The following PLXNB1 variants were observed in gnomAD, a reference collection of about 807,000 sequenced individuals.
PLXNB1 encodes the protein plexin-B1.
PLXNB1 carries 106 observed loss-of-function variants against 209.4 expected under a neutral mutation model. The ratio of observed to expected loss-of-function variants is 0.51; its 90% CI spans 0.43 to 0.59. PLXNB1 has a LOEUF of 0.59. PLXNB1 is among the 20% of genes least tolerant of loss of function. The pLI is 0.00. For synonymous variants in PLXNB1, 1,167 were observed against 1,183.2 expected, an observed-to-expected ratio of 0.99 and a Z score of 0.28; for missense variants, 2,357 against 2,853.2, an observed-to-expected ratio of 0.83 and a Z score of 3.96.
rs375170570 is a variant in PLXNB1, at chr3:48,424,492, C to A, written c.120G>T (p.Arg40Ser). ...GGTAGAGGGTGCCTGAGGTGGGGTC[C>A]CTTGCCAGGTGCTGCAGATACGTGC... Reference protein sequence around the residue: ...PNGTYLQHLARDPTSGTLYLG... With the variant: ...PNGTYLQHLASDPTSGTLYLG... The change falls in exon 3 of 38, where the codon AGG becomes AGT. Residue 40 changes from arginine (R) to serine (S), a missense_variant. Physicochemically the swap from Arg to Ser is moderately radical, Grantham distance 110. Around this residue, in one of 7 missense-constraint regions of PLXNB1, gnomAD observed 107 missense variants for 167.2 expected, o/e 0.64. Coordinates refer to ENST00000296440, the MANE Select transcript of PLXNB1 (RefSeq NM_001130082.3). 7.5e-6 allele frequency: 12 copies of A among 1,603,260 alleles called. No individual in the cohort carries two copies. The highest frequency in any genetic ancestry group is 1.0e-5 in the Non-Finnish European group (12 of 1,175,032).
intron 1 of PLXNB1, among the ~76,000 whole-genome samples, chr3:48,428,262 A>T (rs2038997664): frequency 6.6e-6 from 1 of 152,168 alleles, no homozygotes; most frequent in African/African-American, 2.4e-5. Flanking sequence ...CAGACTGAAA[A>T]GGCTGATCTA....
At position 48,429,714 on chromosome 3, in the gene PLXNB1, A is replaced by T. The variant is rs2039094990; in HGVS notation, c.-60+294T>A. 6.6e-6 allele frequency among the ~76,000 whole-genome samples: 1 copy of T among 151,274 alleles called. No individual in the cohort carries two copies. The highest frequency in any genetic ancestry group is 1.5e-5 in the Non-Finnish European group (1 of 67,712). ...GGTCGCCCGGAGGGGTGAGGAGTGA[A>T]CCCCGGGAGCCAGAGCCGCCCCGCC... is the stretch of plus-strand genomic sequence containing the variant. On this transcript the variant is annotated intron_variant, in intron 1 of 37. Coordinates refer to ENST00000296440, the MANE Select transcript of PLXNB1 (RefSeq NM_001130082.3). The surrounding 1 kb of genome is among the most constrained non-coding windows in gnomAD (Gnocchi z 6.4).
In PLXNB1 at chr3:48,411,950, C is replaced by T; in HGVS notation, c.5160G>A (p.Lys1720=). The T allele has an allele frequency of 1.2e-6, 2 of 1,614,144 alleles. No individual in the cohort carries two copies. Among genetic ancestry groups the T allele is most frequent in the Non-Finnish European group, 1.7e-6 (2 of 1,180,010 alleles). Reference sequence around the variant, plus strand: ...TGCCTGTCACACTGTCCACTGGCCCCTTATCCACTTGGTGCTTAATCCCTC... The same window carrying T: ...TGCCTGTCACACTGTCCACTGGCCCTTTATCCACTTGGTGCTTAATCCCTC... The part of the protein sequence containing the change: ...LFRGIKHQVD[K]GPVDSVTGKA... The change falls in exon 28 of 38, where the codon AAG becomes AAA. Residue 1720 remains lysine, a synonymous_variant. Coordinates refer to ENST00000296440, the MANE Select transcript of PLXNB1 (RefSeq NM_001130082.3). This position sits in a 1 kb window ranked among gnomAD's most constrained non-coding sequence, Gnocchi z 4.0.
Position 48,407,026 on chromosome 3 carries a change from C to T in PLXNB1, c.6152+1G>A. 1 of 1,614,132 alleles carries T rather than the reference C, an allele frequency of 6.2e-7. No homozygotes were observed. ...CCTCTACCCACCGTGCCCTCCAGTA[C>T]CTTTCCACCATCCGCTTGTACCGGG... is the stretch of plus-strand genomic sequence containing the variant. On this transcript the variant is annotated splice_donor_variant, in intron 35 of 37. Transcript: ENST00000296440. LOFTEE classifies it high-confidence loss of function.
Position 48,406,421 on chromosome 3 carries a change from T to C in PLXNB1, c.6228+402A>G. 1.0e-5 allele frequency: 2 copies of C among 192,788 alleles called. No homozygotes were observed. The highest frequency in any genetic ancestry group is 1.9e-5 in the Non-Finnish European group (2 of 105,246). 11.9% of individuals were successfully genotyped at this position (192,788 alleles called of 1,614,324 possible). A position where few individuals can be genotyped will look rare whatever the true frequency, so the allele number is the denominator to read the frequency against. On this transcript the variant is annotated intron_variant, in intron 36 of 37. Transcript: ENST00000296440. This position sits in a 1 kb window ranked among gnomAD's most constrained non-coding sequence, Gnocchi z 4.4. The stretch of plus-strand genomic sequence containing the variant: ...TGTCATCATCAACATTTCAGAAACA[T>C]TGTTCATAAACTCCCTGGAGTTACA...
At position 48,418,643 on chromosome 3, in the gene PLXNB1, T is replaced by A; in HGVS notation, c.2956-101A>T. 5.4e-6 allele frequency: 6 copies of A among 1,108,814 alleles called. No individual in the cohort carries two copies. Among genetic ancestry groups the A allele is most frequent in the Non-Finnish European group, 6.7e-6 (5 of 751,638 alleles). The allele number at this position is 1,108,814 out of a possible 1,614,324, so 68.7% of individuals were successfully genotyped here. On this transcript the variant is annotated intron_variant, in intron 13 of 37. Coordinates refer to ENST00000296440, the MANE Select transcript of PLXNB1 (RefSeq NM_001130082.3). The surrounding 1 kb of genome is among the most constrained non-coding windows in gnomAD (Gnocchi z 6.6). ...GGACTAAAACGACCAGTTAGGAGCA[T>A]AGGGTCAGAGGGACCCCATGGGGCC...
In PLXNB1 at chr3:48,422,159, G is replaced by A. The variant is rs1245574867; in HGVS notation, c.1466C>T (p.Ala489Val). ...TGGGTCCCTGTGAGCAAGGCAAGAT[G>A]CACAGTCCAGGTGCTGAGCACAGGA... ...VASCAQHLDCASCLAHRDPYC... is the reference protein window; with the variant it reads ...VASCAQHLDCVSCLAHRDPYC... Residue 489 changes from alanine to valine, a missense_variant, in exon 6 of 38, where the codon GCA becomes GTA. By Grantham distance (64) the Ala-to-Val change is moderately conservative (BLOSUM62 0). Around this residue, in one of 7 missense-constraint regions of PLXNB1, gnomAD observed 214 missense variants for 297.1 expected, o/e 0.72. Coordinates refer to ENST00000296440, the MANE Select transcript of PLXNB1 (RefSeq NM_001130082.3). 11 of 1,614,030 alleles carry A rather than the reference G, an allele frequency of 6.8e-6. No individual in the cohort carries two copies. The highest frequency in any genetic ancestry group is 9.3e-6 in the Non-Finnish European group (11 of 1,180,006).
chr3:48,420,547 C>T (rs1028723935), intron 10 of PLXNB1, 118 bp downstream of exon 10: 15 of 792,952 alleles, frequency 1.9e-5, no homozygotes, highest in South Asian at 4.9e-5. Context: ...TCACATACAG[C>T]GGCTCTGGTG....
In PLXNB1 at chr3:48,414,015, A is replaced by G. The variant is rs368174574; in HGVS notation, c.4266T>C (p.Asp1422=). 15 of 1,613,816 alleles carry G rather than the reference A, an allele frequency of 9.3e-6. No individual in the cohort carries two copies. In the African/African-American group the frequency reaches 2.0e-4, roughly 22 times the overall value. Residue 1422 remains aspartate (D), a synonymous_variant, in exon 22 of 38, where the codon GAT becomes GAC. Coordinates refer to ENST00000296440, the MANE Select transcript of PLXNB1 (RefSeq NM_001130082.3). The stretch of plus-strand genomic sequence containing the variant: ...TCAGCGTCTTCACCACACAGGGGCC[A>G]TCCCCTATCATAGCCACCACCTCCT... ...SKEEVVAMIG[D]GPCVVKTLTR...
At position 48,410,278 on chromosome 3, in the gene PLXNB1, G is replaced by A. The variant is rs1446468892; in HGVS notation, c.5605+18C>T. Reference sequence around the variant, plus strand: ...GGGCACAGCAGGGGCAGAGGACCGTGATGGGAGCGGTACTCACGCTCTCCA... The same window carrying A: ...GGGCACAGCAGGGGCAGAGGACCGTAATGGGAGCGGTACTCACGCTCTCCA... On this transcript the variant is annotated intron_variant, in intron 31 of 37. Coordinates refer to ENST00000296440, the MANE Select transcript of PLXNB1 (RefSeq NM_001130082.3). The surrounding 1 kb of genome is among the most constrained non-coding windows in gnomAD (Gnocchi z 6.4). 6 of 1,578,982 alleles carry A rather than the reference G, an allele frequency of 3.8e-6. No homozygotes were observed. The African/African-American group carries it at 4.0e-5, about 11-fold the overall frequency.
Position 48,424,050 on chromosome 3 carries a change from C to T in PLXNB1, c.562G>A (p.Ala188Thr). The change falls in exon 3 of 38, where the codon GCC becomes ACC. Residue 188 changes from alanine to threonine, a missense_variant. Ala to Thr is a moderately conservative substitution (Grantham distance 58, BLOSUM62 0). Coordinates refer to ENST00000296440, the MANE Select transcript of PLXNB1 (RefSeq NM_001130082.3). ...GGGIPPITTR[A>T]LWPPDPQAAF... ...GCTTGGGGGTCGGGCGGCCACAGGG[C>T]CCGGGTTGTGATGGGTGGAATGCCA... 1 of 1,594,476 alleles carries T rather than the reference C, an allele frequency of 6.3e-7. No homozygotes were observed. The highest frequency in any genetic ancestry group is 2.3e-5 in the East Asian group (1 of 43,894).
chr3:48,419,379 A>G lies in PLXNB1; in HGVS notation c.2710-13T>C. On this transcript the variant is annotated splice_polypyrimidine_tract_variant and intron_variant, in intron 11 of 37. Coordinates refer to ENST00000296440, the MANE Select transcript of PLXNB1 (RefSeq NM_001130082.3). This position sits in a 1 kb window ranked among gnomAD's most constrained non-coding sequence, Gnocchi z 5.7. ...AGGTCGCCTCTTCCTGCAGGCACCA[A>G]GGGCAAGGCAGTCTATGGAGCCCAC... is the stretch of plus-strand genomic sequence containing the variant. 6.5e-7 allele frequency: 1 copy of G among 1,544,990 alleles called. No individual in the cohort carries two copies. Among genetic ancestry groups the G allele is most frequent in the Non-Finnish European group, 8.7e-7 (1 of 1,143,494 alleles).
Position 48,415,410 on chromosome 3 carries a change from GCCCAGTCCCGGCTAGGTCAGCTCAGC to G in PLXNB1, c.3795-89_3795-64del. On this transcript the variant is annotated intron_variant, in intron 19 of 37. Coordinates refer to ENST00000296440, the MANE Select transcript of PLXNB1 (RefSeq NM_001130082.3). The surrounding 1 kb of genome is among the most constrained non-coding windows in gnomAD (Gnocchi z 5.0). ...TTATGTTACCTGGACCTAAAGCACA[GCCCAGTCCCGGCTAGGTCAGCTCAGC>G]CCCAGCCCCAAACCACACGACCCCT... 3 of 1,544,172 alleles carry G rather than the reference GCCCAGTCCCGGCTAGGTCAGCTCAGC, an allele frequency of 1.9e-6. No homozygotes were observed. Among genetic ancestry groups the G allele is most frequent in the Non-Finnish European group, 2.6e-6 (3 of 1,132,984 alleles).
At chr3:48,407,529 A>T (rs1420685624) in intron 34 of PLXNB1, among the ~76,000 whole-genome samples, 1 of 152,154 alleles carries the variant, frequency 6.6e-6, no homozygotes, top group Non-Finnish European at 1.5e-5. Context: ...TCCAGTTTCC[A>T]CCACTTTAAC....
chr3:48,415,278 G>C lies in PLXNB1; in HGVS notation c.3864C>G (p.Thr1288=). ...TGGGCTGCAGCATTCTCGAGACCAC[G>C]GTCACCCGGATTCTTGGCGTCTGTA... ...DVVQTPRIRV[T]VVSRMLQPSQ... Residue 1288 remains threonine, a synonymous_variant, in exon 20 of 38, where the codon ACC becomes ACG. Transcript: ENST00000296440. This position sits in a 1 kb window ranked among gnomAD's most constrained non-coding sequence, Gnocchi z 5.0. The C allele has an allele frequency of 6.2e-7, 1 of 1,613,554 alleles. No individual in the cohort carries two copies. Among genetic ancestry groups the C allele is most frequent in the Non-Finnish European group, 8.5e-7 (1 of 1,180,006 alleles).
Position 48,409,894 on chromosome 3 carries a change from C to G in PLXNB1, c.5778+11G>C, listed in dbSNP as rs1046939711. 1.3e-6 allele frequency: 2 copies of G among 1,563,994 alleles called. No individual in the cohort carries two copies. The highest frequency in any genetic ancestry group is 2.3e-5 in the East Asian group (1 of 44,098). On this transcript the variant is annotated intron_variant, in intron 32 of 37. Coordinates refer to ENST00000296440, the MANE Select transcript of PLXNB1 (RefSeq NM_001130082.3). The surrounding 1 kb of genome is among the most constrained non-coding windows in gnomAD (Gnocchi z 5.8). ...AGCCCAGGCCCCACTACCTTGGCAG[C>G]CCCACCCCACCTTCATGGACAGCAG...
chr3:48,420,161 G>A lies in PLXNB1; in HGVS notation c.2125C>T (p.Leu709Phe), dbSNP rs756852488. The change falls in exon 11 of 38, where the codon CTT (leucine) becomes TTT (phenylalanine). Residue 709 changes from leucine to phenylalanine, a missense_variant. By Grantham distance (22) the Leu-to-Phe change is conservative (BLOSUM62 0). Coordinates refer to ENST00000296440, the MANE Select transcript of PLXNB1 (RefSeq NM_001130082.3). ...KALATPAPDT[L>F]PVEPGAPSTA... The stretch of plus-strand genomic sequence containing the variant: ...GAGGGAGCCCCAGGCTCCACGGGAA[G>A]GGTGTCAGGAGCAGGGGTGGCCAGG... 4 of 1,606,266 alleles carry A rather than the reference G, an allele frequency of 2.5e-6. No homozygotes were observed. The highest frequency in any genetic ancestry group is 2.5e-6 in the Non-Finnish European group (3 of 1,176,532).
chr3:48,407,275 G>A (rs940290808), intron 34 of PLXNB1, among the ~76,000 whole-genome samples, 184 bp from the exon 35 acceptor site: 3 of 152,122 alleles, frequency 2.0e-5, no homozygotes, highest in African/African-American at 4.8e-5. Context: ...ACTTCCTTCC[G>A]CAGGAGCCTC....
Position 48,419,841 on chromosome 3 carries a change from G to A in PLXNB1, c.2445C>T (p.Pro815=). The A allele has an allele frequency of 3.2e-6, 5 of 1,575,616 alleles. No homozygotes were observed. Among genetic ancestry groups the A allele is most frequent in the Non-Finnish European group, 4.3e-6 (5 of 1,159,256 alleles). ...PGPEALHPTV[P]LDLPPATVPA... is the part of the protein sequence containing the mutation. ...GAACAGTGGCAGGGGGCAGGTCCAG[G>A]GGCACTGTGGGATGAAGAGCCTCGG... Residue 815 remains proline, a synonymous_variant, in exon 11 of 38, where the codon CCC becomes CCT. Coordinates refer to ENST00000296440, the MANE Select transcript of PLXNB1 (RefSeq NM_001130082.3). The surrounding 1 kb of genome is among the most constrained non-coding windows in gnomAD (Gnocchi z 5.7).
Sources: gnomAD v4.1 joint callset for allele counts (sites outside exome capture counted in the v4.1 genomes callset) on GRCh38, gnomAD v4.1.1 for gene constraint, gnomAD v4.1.1 regional missense constraint, Gnocchi (gnomAD v3.1) non-coding constraint, MANE v1.5 for transcripts, NCBI Gene and HGNC (gene_info 2026-07-23, HGNC 2026-07-21) for gene names.